ATXN1: variants seen among roughly 807,000 people sequenced by gnomAD.
ATXN1 encodes the protein ataxin 1.
A neutral mutation model predicts 56.4 loss-of-function variants in ATXN1; 8 were observed. That is an observed-to-expected ratio of 0.14 (90% CI 0.08 to 0.26). The LOEUF is 0.26. Ranked by LOEUF, ATXN1 falls within the 10% of genes least tolerant of loss-of-function variation. The pLI, the probability that ATXN1 is intolerant of heterozygous loss-of-function variation, is 1.00. For missense variants in ATXN1, 987 were observed against 1,106.5 expected, an observed-to-expected ratio of 0.89 and a Z score of 1.53; for synonymous variants, 514 against 494.6, an observed-to-expected ratio of 1.04 and a Z score of -0.52.
chr6:16,546,246 T>C (rs964640687), intron 4 of ATXN1, among the ~76,000 whole-genome samples: 1 of 152,184 alleles, frequency 6.6e-6, no homozygotes, highest in Non-Finnish European at 1.5e-5. Context: ...CCATGGCTGA[T>C]TGTGTCTTCA....
At chr6:16,742,989 G>C (rs1292146407) in intron 2 of ATXN1, among the ~76,000 whole-genome samples, 3 of 152,150 alleles carry the variant, frequency 2.0e-5, no homozygotes, top group African/African-American at 7.2e-5. Flanking sequence ...ATGACCACGA[G>C]AGCACTTAAA....
intron 6 of ATXN1, among the ~76,000 whole-genome samples, chr6:16,412,520 A>G (rs998894556): frequency 1.3e-5 from 2 of 152,206 alleles, no homozygotes; most frequent in African/African-American, 4.8e-5. Context: ...TCAAATATCC[A>G]TACAATTCTA....
chr6:16,544,443 A>G (rs1256285186), intron 4 of ATXN1, among the ~76,000 whole-genome samples: 1 of 152,128 alleles, frequency 6.6e-6, no homozygotes, highest in East Asian at 1.9e-4. Context: ...TCCTTCCTAA[A>G]TAACTTTTGG....
chr6:16,637,405 T>G, intron 3 of ATXN1, among the ~76,000 whole-genome samples: 1 of 151,112 alleles, frequency 6.6e-6, no homozygotes, highest in Non-Finnish European at 1.5e-5. Flanking sequence ...AAATGATGAG[T>G]TAATGGGTGC....
intron 4 of ATXN1, among the ~76,000 whole-genome samples, chr6:16,524,250 C>G (rs1761348636): frequency 6.6e-6 from 1 of 152,196 alleles, no homozygotes. Flanking sequence ...ATGACACTTA[C>G]TATGCAGTCA....
intron 3 of ATXN1, among the ~76,000 whole-genome samples, chr6:16,620,092 T>G (rs1239327848): frequency 2.0e-5 from 3 of 152,104 alleles, no homozygotes; most frequent in Non-Finnish European, 4.4e-5. Flanking sequence ...TCATTATATA[T>G]TAGTATTATT....
intron 2 of ATXN1, among the ~76,000 whole-genome samples, chr6:16,662,625 C>T (rs924939852): frequency 1.3e-5 from 2 of 152,114 alleles, no homozygotes; most frequent in African/African-American, 4.8e-5. Context: ...TGGGCCACTG[C>T]ACCCGGCCAT....
rs1760223104 is a variant in ATXN1 at position 16,305,621 on chromosome 6, G to C, written c.*708C>G. 6.6e-6 allele frequency: 1 copy of C among 152,596 alleles called. No individual in the cohort carries two copies. Among genetic ancestry groups the C allele is most frequent in the Non-Finnish European group, 1.5e-5 (1 of 68,056 alleles). 9.5% of individuals were successfully genotyped at this position (152,596 alleles called of 1,614,324 possible). The stretch of plus-strand genomic sequence containing the variant: ...CAGAAATGAAATCCCGCATGTGGCA[G>C]TTGCTCTTTAAAAAAAATATATATC... On this transcript the variant is annotated 3_prime_UTR_variant, in exon 8 of 8. Transcript: ENST00000436367.
At chr6:16,534,189 C>T (rs1300854813) in intron 4 of ATXN1, among the ~76,000 whole-genome samples, 1 of 151,940 alleles carries the variant, frequency 6.6e-6, no homozygotes, top group Non-Finnish European at 1.5e-5. Context: ...ACTTTTCCAA[C>T]TCAGTTATTG....
At chr6:16,704,386 AC>A (rs1759361028) in intron 2 of ATXN1, among the ~76,000 whole-genome samples, 1 of 152,154 alleles carries the variant, frequency 6.6e-6, no homozygotes, top group Non-Finnish European at 1.5e-5. Context: ...ACAAATCACT[AC>A]TAACAGCTCC....
chr6:16,709,529 G>A (rs1277588367), intron 2 of ATXN1, among the ~76,000 whole-genome samples: 2 of 151,638 alleles, frequency 1.3e-5, no homozygotes, highest in Non-Finnish European at 2.9e-5. Context: ...ATCAAAAAAG[G>A]GAATATTTTA....
At chr6:16,309,516 T>TCTG (rs1760339715) in intron 7 of ATXN1, among the ~76,000 whole-genome samples, 1 of 151,902 alleles carries the variant, frequency 6.6e-6, no homozygotes, top group Non-Finnish European at 1.5e-5. Flanking sequence ...ATTTGAATCC[T>TCTG]AGGAGGAGGA....
intron 5 of ATXN1, among the ~76,000 whole-genome samples, chr6:16,516,594 G>A (rs539150219): frequency 5.9e-5 from 9 of 152,264 alleles, no homozygotes; most frequent in African/African-American, 1.7e-4. Context: ...CATCCACAGC[G>A]GTCACTGTAT....
At position 16,734,070 on chromosome 6, in the gene ATXN1, C is replaced by G. The variant is rs113232779; in HGVS notation, c.-615+19163G>C. Among the ~76,000 whole-genome samples, 979 of 152,148 alleles carry G rather than the reference C, an allele frequency of 6.4e-3. 10 individuals carry two copies. Among genetic ancestry groups the G allele is most frequent in the African/African-American group, 0.023 (938 of 41,486 alleles). ...TCTCACCACTGCACTCCAGCCTAGG[C>G]AACCGACAGAGTGAGACCCCATATA... On this transcript the variant is annotated intron_variant, in intron 2 of 7. Coordinates refer to ENST00000436367, the MANE Select transcript of ATXN1 (RefSeq NM_001128164.2).
At position 16,564,839 on chromosome 6, in the gene ATXN1, C is replaced by CT. The variant is rs143006944; in HGVS notation, c.-361+20940dup. Among the ~76,000 whole-genome samples the CT allele has an allele frequency of 4.6e-3, 687 of 149,388 alleles. 9 individuals are homozygous for CT. Among genetic ancestry groups the CT allele is most frequent in the African/African-American group, 0.015 (608 of 40,814 alleles). On this transcript the variant is annotated intron_variant, in intron 4 of 7. Transcript: ENST00000436367. ...ATACACTAAAAAGCAATTCATTGCA[C>CT]TTTTTTTTTTAATTTAAATAAGCTA...
chr6:16,428,149 G>C (rs1382320056), intron 6 of ATXN1, among the ~76,000 whole-genome samples: 1 of 108,840 alleles, frequency 9.2e-6, no homozygotes, highest in African/African-American at 3.6e-5. Flanking sequence ...ATGTAGTTTT[G>C]CTCTTGTCAC....
intron 4 of ATXN1, among the ~76,000 whole-genome samples, chr6:16,578,053 C>A (rs236965): frequency 0.78 from 118,979 of 152,108 alleles, 46,845 homozygotes; most frequent in East Asian, 0.89. Flanking sequence ...AATTTTATTA[C>A]ATTTTTCTTG....
chr6:16,327,837 T>G lies in ATXN1; in HGVS notation c.474A>C (p.Ala158=). 10 of 1,608,508 alleles carry G rather than the reference T, an allele frequency of 6.2e-6. No individual in the cohort carries two copies. Among genetic ancestry groups the G allele is most frequent in the Non-Finnish European group, 8.5e-6 (10 of 1,179,902 alleles). The change falls in exon 7 of 8, where the codon GCA becomes GCC. Residue 158 remains alanine (A), a synonymous_variant. Coordinates refer to ENST00000436367, the MANE Select transcript of ATXN1 (RefSeq NM_001128164.2). ...IPPTANPVTS[A]VASAAGATTP... is the part of the protein sequence containing the mutation. ...TGGTGGCCCCTGCGGCCGAGGCCAC[T>G]GCACTGGTGACGGGGTTGGCGGTTG... is the stretch of plus-strand genomic sequence containing the variant.
At position 16,519,290 on chromosome 6, in the gene ATXN1, A is replaced by T. The variant is rs192942290; in HGVS notation, c.-299+3337T>A. 4.5e-3 allele frequency among the ~76,000 whole-genome samples: 692 copies of T among 152,352 alleles called. 8 individuals carry two copies. Among genetic ancestry groups the T allele is most frequent in the African/African-American group, 0.016 (658 of 41,582 alleles). ...TGTCAAATGGATGGTAAAGATTTTT[A>T]AAAATGCTTCAGGAGTTCAGAGGGG... On this transcript the variant is annotated intron_variant, in intron 5 of 7. Coordinates refer to ENST00000436367, the MANE Select transcript of ATXN1 (RefSeq NM_001128164.2).
Sources: allele counts gnomAD v4.1 joint callset (sites outside exome capture counted in the v4.1 genomes callset), GRCh38; gene constraint gnomAD v4.1.1; transcripts MANE v1.5; gene names NCBI Gene and HGNC (gene_info 2026-07-23, HGNC 2026-07-21).